The following CDH15 variants were observed in gnomAD, a reference collection of about 807,000 sequenced individuals.
CDH15 encodes cadherin 15.
A neutral mutation model predicts 69.4 loss-of-function variants in CDH15; 73 were observed. That is an observed-to-expected ratio of 1.05 (90% confidence interval 0.87 to 1.28). The LOEUF is 1.28. Ranked by LOEUF, CDH15 falls within the 50% of genes most tolerant of loss-of-function variation. CDH15 has a pLI of 0.00. For missense variants in CDH15, 1,343 were observed against 1,133.6 expected (o/e 1.18, Z -2.65); for synonymous variants, 624 against 507.7 (o/e 1.23, Z -3.08).
rs1375496631 is a variant in CDH15 at position 89,188,235 on chromosome 16, A to T, written c.928A>T (p.Thr310Ser). ...GGAAGGCGACCCCGATGGGCAGTTCACCATCCGCACGGACCCCAAGACCAA... is the reference window on the plus strand; with the variant it reads ...GGAAGGCGACCCCGATGGGCAGTTCTCCATCCGCACGGACCCCAAGACCAA... ...ILEGDPDGQF[T>S]IRTDPKTNEG... Residue 310 changes from threonine (T) to serine (S), a missense_variant, in exon 7 of 14, where the codon ACC becomes TCC. Physicochemically the swap from Thr to Ser is moderately conservative, Grantham distance 58. Transcript: ENST00000289746. 2 of 1,613,518 alleles carry T rather than the reference A, an allele frequency of 1.2e-6. No homozygotes were observed. Among genetic ancestry groups the T allele is most frequent in the East Asian group, 4.5e-5 (2 of 44,878 alleles).
In CDH15 at chr16:89,192,468, C is replaced by CTGGA. The variant is rs1375218659; in HGVS notation, c.1855+25_1855+28dup. The CTGGA allele has an allele frequency of 3.3e-5, 52 of 1,563,454 alleles. No individual in the cohort carries two copies. In the Admixed American group the frequency reaches 9.2e-4, roughly 28 times the overall value. On this transcript the variant is annotated intron_variant, in intron 11 of 13. Transcript: ENST00000289746. ...GGGTGAGTGAGCGCCCCGCCTCCACCTGGACCCTCGGACCCTCGGACCCTC... is the reference window on the plus strand; with the variant it reads ...GGGTGAGTGAGCGCCCCGCCTCCACCTGGATGGACCCTCGGACCCTCGGACCCTC...
chr16:89,181,410 G>A lies in CDH15; in HGVS notation c.357+1055G>A, dbSNP rs552414060. 4.4e-4 allele frequency among the ~76,000 whole-genome samples: 67 copies of A among 152,018 alleles called. 1 individual carries two copies. The highest frequency in any genetic ancestry group is 1.5e-3 in the African/African-American group (62 of 41,474). ...GAGGATCGCTTGAAGCCAATAGTTC[G>A]AGACCAGGCTGGGCATCAAAGTGAG... On this transcript the variant is annotated intron_variant, in intron 3 of 13. Coordinates refer to ENST00000289746, the MANE Select transcript of CDH15 (RefSeq NM_004933.3).
rs533344986 is a variant in CDH15, at chr16:89,193,417, C to A, written c.1856-53C>A. On this transcript the variant is annotated intron_variant, in intron 11 of 13. Coordinates refer to ENST00000289746, the MANE Select transcript of CDH15 (RefSeq NM_004933.3). ...CTCCCACCTCCTTCGCAGCCCGGCC[C>A]CCTGAAGTCGCGCCCTGTGCCTGGC... is the stretch of plus-strand genomic sequence containing the variant. 2.2e-5 allele frequency: 33 copies of A among 1,531,432 alleles called. No homozygotes were observed. The African/African-American group carries it at 3.2e-4, about 15-fold the overall frequency. 94.9% of individuals were successfully genotyped at this position (1,531,432 alleles called of 1,614,324 possible).
At chr16:89,183,219 A>T in intron 3 of CDH15, 1 of 267,546 alleles carries the variant, frequency 3.7e-6, no homozygotes, top group Non-Finnish European at 7.1e-6. Flanking sequence ...TAACTTCAGG[A>T]GGAACAAAGA....
At position 89,195,460 on chromosome 16, in the gene CDH15, C is replaced by A. The variant is rs1915792102; in HGVS notation, c.*305C>A. ...AAAGACAGCAACCTCCTGGGTAAATCTGAATGAAAAACGTGCTAGTCTCTT... is the reference window on the plus strand; with the variant it reads ...AAAGACAGCAACCTCCTGGGTAAATATGAATGAAAAACGTGCTAGTCTCTT... On this transcript the variant is annotated 3_prime_UTR_variant, in exon 14 of 14. Transcript: ENST00000289746. The A allele has an allele frequency of 4.5e-6, 2 of 446,622 alleles. No individual in the cohort carries two copies. The highest frequency in any genetic ancestry group is 8.0e-6 in the Non-Finnish European group (2 of 249,214). 27.7% of individuals were successfully genotyped at this position (446,622 alleles called of 1,614,324 possible).
In CDH15 at chr16:89,171,773, C is replaced by A. The variant is rs113555855; in HGVS notation, c.-59C>A. The stretch of plus-strand genomic sequence containing the variant: ...CCCGCGCACTTGCGCTGTCACTCAG[C>A]CTGGACGCGCTTCTTCGGGTCGCGG... On this transcript the variant is annotated 5_prime_UTR_variant, in exon 1 of 14. Transcript: ENST00000289746. The A allele has an allele frequency of 2.8e-4, 431 of 1,520,042 alleles. 2 individuals are homozygous for A. The African/African-American group carries it at 5.3e-3, about 19-fold the overall frequency. The allele number at this position is 1,520,042 out of a possible 1,614,324, so 94.2% of individuals were successfully genotyped here.
intron 3 of CDH15, among the ~76,000 whole-genome samples, chr16:89,181,656 A>G (rs886504123): frequency 4.9e-4 from 74 of 151,784 alleles, no homozygotes; most frequent in African/African-American, 1.8e-3. Flanking sequence ...AGAAGAAAAG[A>G]GGACCGGGTG....
intron 4 of CDH15, among the ~76,000 whole-genome samples, chr16:89,184,199 G>C (rs1235626062): frequency 6.6e-5 from 10 of 152,208 alleles, no homozygotes. Context: ...CCAGGCTCAG[G>C]CTTGGAGGCT....
chr16:89,181,775 TA>T (rs1915381937), intron 3 of CDH15, among the ~76,000 whole-genome samples: 1 of 151,688 alleles, frequency 6.6e-6, no homozygotes. Context: ...CCGTCTCTAC[TA>T]AAAAATACAA....
At chr16:89,191,241 G>T (rs1013429928) in intron 8 of CDH15, 89 bp from the exon 9 acceptor site, 28 of 1,443,878 alleles carry the variant, frequency 1.9e-5, no homozygotes, top group Non-Finnish European at 2.3e-5. Context: ...GCCTGTGTGT[G>T]TGCAGTGCAT....
chr16:89,191,992 A>G, intron 10 of CDH15, 98 bp downstream of exon 10: 1 of 1,284,552 alleles, frequency 7.8e-7, no homozygotes, highest in Non-Finnish European at 1.1e-6. Flanking sequence ...GGGCATGCAA[A>G]CCCGTGGTCC....
Position 89,195,039 on chromosome 16 carries a change from G to T in CDH15, c.2329G>T (p.Ala777Ser), listed in dbSNP as rs1399987394. ...RDWGPRFARLADMYGHPCGLE... is the reference protein window; with the variant it reads ...RDWGPRFARLSDMYGHPCGLE... ...CTGGGGGCCCCGCTTCGCCCGGCTG[G>T]CAGACATGTATGGGCACCCGTGCGG... Residue 777 changes from alanine (A) to serine (S), a missense_variant, in exon 14 of 14, where the codon GCA (alanine) becomes TCA (serine). Ala to Ser is a moderately conservative substitution (Grantham distance 99). Transcript: ENST00000289746. 1.2e-6 allele frequency: 2 copies of T among 1,612,574 alleles called. No homozygotes were observed. The highest frequency in any genetic ancestry group is 1.7e-6 in the Non-Finnish European group (2 of 1,179,878).
chr16:89,192,152 C>A, intron 10 of CDH15, 53 bp from the exon 11 acceptor site: 1 of 1,481,872 alleles, frequency 6.7e-7, no homozygotes, highest in Non-Finnish European at 8.9e-7. Context: ...GGAGGGCAGG[C>A]GAAGTGGGGG....
In CDH15 at chr16:89,191,877, G is replaced by A; in HGVS notation, c.1598G>A (p.Ser533Asn). The change falls in exon 10 of 14, where the codon AGC (serine) becomes AAC (asparagine). Residue 533 changes from serine to asparagine, a missense_variant. Transcript: ENST00000289746. ...CTCCCAGAGCTCGGCCGGAACTGGA[G>A]CCTCAGCCAGGTCAACGGTGCGCTC... Reference protein sequence around the residue: ...PRLPELGRNWSLSQVNVSHAR... With the variant: ...PRLPELGRNWNLSQVNVSHAR... 3.2e-6 allele frequency: 5 copies of A among 1,585,612 alleles called. No homozygotes were observed. The highest frequency in any genetic ancestry group is 4.3e-6 in the Non-Finnish European group (5 of 1,172,282).
Position 89,193,821 on chromosome 16 carries a change from C to T in CDH15, c.2059C>T (p.Leu687Phe). The change falls in exon 13 of 14, where the codon CTT (leucine) becomes TTT (phenylalanine). Residue 687 changes from leucine to phenylalanine, a missense_variant. By Grantham distance (22) the Leu-to-Phe change is conservative (BLOSUM62 0). Coordinates refer to ENST00000289746, the MANE Select transcript of CDH15 (RefSeq NM_004933.3). The part of the protein sequence containing the change: ...ALSLPLGPPP[L>F]RRDAPQGRLH... ...GAGCCTGCCTCTGGGACCGCCGCCACTTCGCAGAGATGCCCCGCAGGGCCG... is the reference window on the plus strand; with the variant it reads ...GAGCCTGCCTCTGGGACCGCCGCCATTTCGCAGAGATGCCCCGCAGGGCCG... 2 of 1,610,298 alleles carry T rather than the reference C, an allele frequency of 1.2e-6. No individual in the cohort carries two copies. The highest frequency in any genetic ancestry group is 2.2e-5 in the East Asian group (1 of 44,854).
chr16:89,187,686 C>A lies in CDH15; in HGVS notation c.792+129C>A, dbSNP rs1158985832. 3.7e-6 allele frequency: 5 copies of A among 1,362,002 alleles called. No individual in the cohort carries two copies. In the South Asian group the frequency reaches 4.9e-5, roughly 13 times the overall value. 84.4% of individuals were successfully genotyped at this position (1,362,002 alleles called of 1,614,324 possible). ...GGTGTGCTTTGGAGAAGGAACTCCGCGTGGGCGGGTGGAAGCCCAAGCTGG... is the reference window on the plus strand; with the variant it reads ...GGTGTGCTTTGGAGAAGGAACTCCGAGTGGGCGGGTGGAAGCCCAAGCTGG... On this transcript the variant is annotated intron_variant, in intron 6 of 13. Coordinates refer to ENST00000289746, the MANE Select transcript of CDH15 (RefSeq NM_004933.3).
chr16:89,187,427 A>G lies in CDH15; in HGVS notation c.664-2A>G. On this transcript the variant is annotated splice_acceptor_variant, in intron 5 of 13. Transcript: ENST00000289746. LOFTEE classifies it high-confidence loss of function. ...TTCTGACCCTGTGCCCCACATCCCC[A>G]GGTGGTCGCGGTGTACAATCTGACC... The G allele has an allele frequency of 6.2e-7, 1 of 1,612,560 alleles. No homozygotes were observed. The highest frequency in any genetic ancestry group is 8.5e-7 in the Non-Finnish European group (1 of 1,179,946).
chr16:89,174,657 A>T (rs1228087040), intron 1 of CDH15, among the ~76,000 whole-genome samples: 1 of 152,102 alleles, frequency 6.6e-6, no homozygotes, highest in Non-Finnish European at 1.5e-5. Context: ...AGACGTCTCA[A>T]GGGCTTCGAG....
intron 3 of CDH15, among the ~76,000 whole-genome samples, chr16:89,180,974 C>CTTTTTTTTTTTTTTT (rs770080908): frequency 0.021 from 2,031 of 96,436 alleles, 203 homozygotes; most frequent in East Asian, 0.11. Flanking sequence ...CGCGCCCGAC[C>CTTTTTTTTTTTTTTT]TTTTTTTTTT....
Sources: gnomAD v4.1 joint callset for allele counts (sites outside exome capture counted in the v4.1 genomes callset) on GRCh38, gnomAD v4.1.1 for gene constraint, MANE v1.5 for transcripts, NCBI Gene and HGNC (gene_info 2026-07-23, HGNC 2026-07-21) for gene names.